Variants in CDH12 observed in about 807,000 individuals in gnomAD.
CDH12 encodes cadherin-12.
In CDH12, 41 loss-of-function variants were observed where a neutral mutation model predicts 74.1. The ratio of observed to expected loss-of-function variants is 0.55; its 90% CI spans 0.43 to 0.72. The LOEUF is 0.72. Among genes scored for constraint, CDH12 ranks in the 30% least tolerant of loss-of-function variants. CDH12 has a pLI of 0.00. For missense variants in CDH12, 945 were observed against 977.2 expected, an observed-to-expected ratio of 0.97 and a Z score of 0.44; for synonymous variants, 399 against 355.0, an observed-to-expected ratio of 1.12 and a Z score of -1.39.
At chr5:22,053,737 T>C (rs1740550332) in intron 5 of CDH12, among the ~76,000 whole-genome samples, 2 of 152,130 alleles carry the variant, frequency 1.3e-5, no homozygotes, top group South Asian at 4.1e-4. Context: ...CACTCGATGA[T>C]AGGTGTAATT....
intron 4 of CDH12, among the ~76,000 whole-genome samples, chr5:22,210,612 G>C (rs1268441220): frequency 6.6e-6 from 1 of 151,982 alleles, no homozygotes; most frequent in Non-Finnish European, 1.5e-5. Context: ...TTTAAACATA[G>C]ATATTTCATT....
intron 9 of CDH12, among the ~76,000 whole-genome samples, chr5:21,805,994 G>A (rs1420986409): frequency 6.6e-6 from 1 of 152,012 alleles, no homozygotes. Context: ...TTTCTATAAG[G>A]GAAGACTAGT....
At chr5:22,714,927 T>C (rs145715604) in intron 1 of CDH12, among the ~76,000 whole-genome samples, 46 of 152,330 alleles carry the variant, frequency 3.0e-4, no homozygotes, top group Non-Finnish European at 5.3e-4. Flanking sequence ...GATGGAATAC[T>C]GGTGCATCTC....
intron 3 of CDH12, among the ~76,000 whole-genome samples, chr5:22,350,616 G>A (rs1178444179): frequency 6.6e-6 from 1 of 152,120 alleles, no homozygotes; most frequent in East Asian, 1.9e-4. Context: ...AAGAAAGGTG[G>A]AGAATTAATT....
chr5:22,261,051 ATGTGTGTG>A (rs541034254), intron 3 of CDH12, among the ~76,000 whole-genome samples: 2 of 141,926 alleles, frequency 1.4e-5, no homozygotes, highest in South Asian at 5.0e-4. Context: ...CTATATATAT[ATGTGTGTG>A]TGTGTGTGTG....
chr5:22,094,057 T>C (rs1044861099), intron 4 of CDH12, among the ~76,000 whole-genome samples: 8 of 152,134 alleles, frequency 5.3e-5, no homozygotes, highest in Admixed American at 4.6e-4. Context: ...TCCTCTAAAG[T>C]TTTATAGAAA....
At chr5:22,355,199 C>T (rs886109348) in intron 3 of CDH12, among the ~76,000 whole-genome samples, 14 of 152,056 alleles carry the variant, frequency 9.2e-5, no homozygotes, top group African/African-American at 2.7e-4. Flanking sequence ...ATTTGCTCTT[C>T]GAAGTAGAAA....
chr5:22,599,441 C>T (rs1169351341), intron 1 of CDH12, among the ~76,000 whole-genome samples: 2 of 152,148 alleles, frequency 1.3e-5, no homozygotes, highest in African/African-American at 4.8e-5. Context: ...CTGGCCACTG[C>T]CCCAGTGCAT....
intron 5 of CDH12, among the ~76,000 whole-genome samples, chr5:22,040,086 A>G (rs1184354722): frequency 6.6e-6 from 1 of 152,138 alleles, no homozygotes; most frequent in Non-Finnish European, 1.5e-5. Flanking sequence ...ACAAAATCTG[A>G]AGGAATGAGA....
At chr5:22,690,242 G>A (rs1742012613) in intron 1 of CDH12, among the ~76,000 whole-genome samples, 2 of 152,024 alleles carry the variant, frequency 1.3e-5, no homozygotes, top group Admixed American at 1.3e-4. Flanking sequence ...CTTGGTTTTA[G>A]TGAATCTTCT....
chr5:22,352,484 T>G (rs930915829), intron 3 of CDH12, among the ~76,000 whole-genome samples: 1 of 152,166 alleles, frequency 6.6e-6, no homozygotes, highest in Non-Finnish European at 1.5e-5. Flanking sequence ...AAAGAAAAAG[T>G]TGAAATCTGA....
chr5:21,891,361 C>T (rs1032130689), intron 6 of CDH12, among the ~76,000 whole-genome samples: 15 of 152,186 alleles, frequency 9.9e-5, no homozygotes, highest in African/African-American at 3.1e-4. Flanking sequence ...GAAGTATTAA[C>T]ATTGCATCTT....
At chr5:22,434,914 A>AAG (rs756427106) in intron 2 of CDH12, among the ~76,000 whole-genome samples, 6 of 152,164 alleles carry the variant, frequency 3.9e-5, no homozygotes, top group Non-Finnish European at 8.8e-5. Flanking sequence ...GAAACAGTGA[A>AAG]AGAGATCTAA....
chr5:22,594,549 T>G (rs181596923), intron 1 of CDH12, among the ~76,000 whole-genome samples: 40 of 152,200 alleles, frequency 2.6e-4, no homozygotes, highest in African/African-American at 9.4e-4. Context: ...ATCCCCAGCC[T>G]TAGGCATAAT....
chr5:22,660,765 T>A (rs1191083175), intron 1 of CDH12, among the ~76,000 whole-genome samples: 3 of 152,228 alleles, frequency 2.0e-5, no homozygotes, highest in Non-Finnish European at 2.9e-5. Context: ...GTGCTTCATT[T>A]ACTCAATAAT....
chr5:22,687,875 A>G (rs979970279), intron 1 of CDH12, among the ~76,000 whole-genome samples: 4 of 152,214 alleles, frequency 2.6e-5, no homozygotes, highest in Admixed American at 2.6e-4. Flanking sequence ...ATCAAAAAGA[A>G]CAGCAAATAC....
At chr5:22,463,562 TAA>T (rs1174575598) in intron 2 of CDH12, among the ~76,000 whole-genome samples, 1 of 152,050 alleles carries the variant, frequency 6.6e-6, no homozygotes, top group East Asian at 1.9e-4. Context: ...AATTAACAAA[TAA>T]AAGAGTAAAT....
chr5:22,475,854 T>A (rs572902681), intron 2 of CDH12, among the ~76,000 whole-genome samples: 1 of 152,072 alleles, frequency 6.6e-6, no homozygotes, highest in South Asian at 2.1e-4. Flanking sequence ...TTAGCTGTAA[T>A]TTACCTGGCC....
intron 1 of CDH12, among the ~76,000 whole-genome samples, chr5:22,528,691 A>G (rs942456767): frequency 2.0e-5 from 3 of 152,020 alleles, no homozygotes; most frequent in Non-Finnish European, 4.4e-5. Flanking sequence ...ATCTTATTAT[A>G]TTTTTTTAGT....
Sources: gnomAD v4.1 joint callset for allele counts (sites outside exome capture counted in the v4.1 genomes callset) on GRCh38, gnomAD v4.1.1 for gene constraint, MANE v1.5 for transcripts, NCBI Gene and HGNC (gene_info 2026-07-23, HGNC 2026-07-21) for gene names.